GOPC: variants seen among roughly 807,000 people sequenced by gnomAD.
GOPC encodes golgi associated PDZ and coiled-coil motif containing.
GOPC carries 32 observed loss-of-function variants against 51.2 expected under a neutral mutation model. The ratio of observed to expected loss-of-function variants is 0.63; its 90% CI spans 0.47 to 0.84. The LOEUF (loss-of-function observed/expected upper bound fraction) is 0.84. Ranked by LOEUF, GOPC falls within the 40% of genes least tolerant of loss-of-function variation. The pLI, the probability that GOPC is intolerant of heterozygous loss-of-function variation, is 0.00. For missense variants in GOPC, 441 were observed against 555.5 expected, an observed-to-expected ratio of 0.79 and a Z score of 2.07; for synonymous variants, 190 against 205.1, an observed-to-expected ratio of 0.93 and a Z score of 0.63.
intron 6 of GOPC, 157 bp from the exon 7 acceptor site, chr6:117,569,893 G>A: frequency 3.7e-6 from 3 of 811,340 alleles, no homozygotes; most frequent in Non-Finnish European, 5.2e-6. Flanking sequence ...CTTAAGTAAT[G>A]GTAAAAATTA....
In GOPC at chr6:117,577,430, CAGAAACAATA is replaced by C. The variant is rs1266171039; in HGVS notation, c.474+8_474+17del. Reference sequence around the variant, plus strand: ...TTCAGCGTGACATATTAAAGCAAAACAGAAACAATATACTTACCAGCTCCTCCACAGAGGG... The same window carrying C: ...TTCAGCGTGACATATTAAAGCAAAACTACTTACCAGCTCCTCCACAGAGGG... On this transcript the variant is annotated splice_region_variant and intron_variant, in intron 3 of 8. Coordinates refer to ENST00000368498, the MANE Select transcript of GOPC (RefSeq NM_020399.4). The C allele has an allele frequency of 1.2e-6, 2 of 1,602,594 alleles. No homozygotes were observed. Among genetic ancestry groups the C allele is most frequent in the East Asian group, 2.2e-5 (1 of 44,652 alleles).
intron 8 of GOPC, 68 bp from the exon 9 acceptor site, chr6:117,563,452 T>G: frequency 1.3e-6 from 2 of 1,487,122 alleles, no homozygotes; most frequent in Non-Finnish European, 1.9e-6. Flanking sequence ...TCAGGTGCAG[T>G]GGCTCATACC....
intron 1 of GOPC, among the ~76,000 whole-genome samples, chr6:117,600,377 C>G (rs113849367): frequency 2.0e-5 from 3 of 152,324 alleles, no homozygotes; most frequent in African/African-American, 7.2e-5. Flanking sequence ...GATCCAGTCT[C>G]CTCTTAAAGG....
chr6:117,592,237 G>A (rs12215701), intron 1 of GOPC, among the ~76,000 whole-genome samples: 16,036 of 152,080 alleles, frequency 0.11, 920 homozygotes, highest in Middle Eastern at 0.14. Flanking sequence ...CATGGTGGCT[G>A]GCGCCTGCAA....
At chr6:117,571,124 T>C (rs1779799825) in intron 5 of GOPC, among the ~76,000 whole-genome samples, 169 bp from the exon 6 acceptor site, 1 of 152,166 alleles carries the variant, frequency 6.6e-6, no homozygotes, top group South Asian at 2.1e-4. Context: ...TGAAAATAGC[T>C]ATTCTGTTGA....
chr6:117,573,750 TACTCACGAACTTC>T, intron 4 of GOPC, 118 bp from the exon 5 acceptor site: 9 of 772,852 alleles, frequency 1.2e-5, no homozygotes, highest in Non-Finnish European at 1.6e-5. Context: ...ATAAAACTAA[TACTCACGAACTTC>T]TTGATGTCTC....
chr6:117,587,855 T>C (rs965461402), intron 1 of GOPC, among the ~76,000 whole-genome samples: 3 of 151,910 alleles, frequency 2.0e-5, no homozygotes, highest in Non-Finnish European at 2.9e-5. Flanking sequence ...TTGTAGTTTT[T>C]GTCACTGTTG....
intron 1 of GOPC, among the ~76,000 whole-genome samples, chr6:117,585,036 A>G (rs1392192413): frequency 6.6e-6 from 1 of 152,172 alleles, no homozygotes; most frequent in African/African-American, 2.4e-5. Flanking sequence ...ATTTTTATAA[A>G]TTATCCCCAT....
intron 7 of GOPC, among the ~76,000 whole-genome samples, chr6:117,568,727 G>A (rs1351307937): frequency 6.6e-6 from 1 of 152,140 alleles, no homozygotes; most frequent in Non-Finnish European, 1.5e-5. Flanking sequence ...ATGAGAAAAA[G>A]CTTTCTAAAA....
chr6:117,582,273 T>TACACACACACACAC (rs71012364), intron 1 of GOPC, among the ~76,000 whole-genome samples: 29 of 119,214 alleles, frequency 2.4e-4, no homozygotes, highest in Middle Eastern at 4.0e-3. Context: ...CCTCCCCCCC[T>TACACACACACACAC]ACACACACAC....
chr6:117,575,963 T>C (rs149202989), intron 3 of GOPC, among the ~76,000 whole-genome samples: 1 of 152,288 alleles, frequency 6.6e-6, no homozygotes, highest in East Asian at 1.9e-4. Flanking sequence ...GGGCACTGAT[T>C]ATTTTACATA....
chr6:117,602,263 G>A lies in GOPC; in HGVS notation c.26C>T (p.Ala9Val), dbSNP rs774349996. 1 of 1,595,418 alleles carries A rather than the reference G, an allele frequency of 6.3e-7. No homozygotes were observed. The highest frequency in any genetic ancestry group is 8.5e-7 in the Non-Finnish European group (1 of 1,177,978). MSAGGPCP[A>V]AAGGGPGGAS... is the part of the protein sequence containing the mutation. ...GCCCCCTGGGCCCCCTCCGGCTGCTGCTGGGCATGGACCGCCCGCCGACAT... is the reference window on the plus strand; with the variant it reads ...GCCCCCTGGGCCCCCTCCGGCTGCTACTGGGCATGGACCGCCCGCCGACAT... Residue 9 changes from alanine (A) to valine (V), a missense_variant, in exon 1 of 9, where the codon GCA becomes GTA. By Grantham distance (64) the Ala-to-Val change is moderately conservative. Around this residue, in one of 3 missense-constraint regions of GOPC, gnomAD observed 204 missense variants for 219.8 expected, o/e 0.93. Coordinates refer to ENST00000368498, the MANE Select transcript of GOPC (RefSeq NM_020399.4).
At chr6:117,577,312 G>T in intron 3 of GOPC, 136 bp downstream of exon 3, 1 of 740,594 alleles carries the variant, frequency 1.4e-6, no homozygotes. Flanking sequence ...GAACTTTTCA[G>T]GTACTGGAAC....
chr6:117,582,444 T>G (rs1237623912), intron 1 of GOPC, among the ~76,000 whole-genome samples: 2 of 151,882 alleles, frequency 1.3e-5, no homozygotes, highest in Non-Finnish European at 1.5e-5. Context: ...TCCCGACTGG[T>G]TCTTTCTGAA....
chr6:117,590,161 G>A (rs927044909), intron 1 of GOPC, among the ~76,000 whole-genome samples: 3 of 152,070 alleles, frequency 2.0e-5, no homozygotes, highest in East Asian at 1.9e-4. Context: ...CACCAGATGC[G>A]TTTCAAAAAA....
At chr6:117,601,648 G>A (rs1015716509) in intron 1 of GOPC, among the ~76,000 whole-genome samples, 5 of 152,208 alleles carry the variant, frequency 3.3e-5, no homozygotes, top group Admixed American at 1.3e-4. Flanking sequence ...TTATCAATGT[G>A]AAAGCAGATC....
At position 117,578,842 on chromosome 6, in the gene GOPC, T is replaced by A. The variant is rs773607090; in HGVS notation, c.450+58A>T. ...TATAATTTAAAAGTCTCATTCAAAA[T>A]TGTCCTGTACACCCTGTAAAATACA... On this transcript the variant is annotated intron_variant, in intron 2 of 8. Coordinates refer to ENST00000368498, the MANE Select transcript of GOPC (RefSeq NM_020399.4). 1.1e-5 allele frequency: 13 copies of A among 1,156,548 alleles called. No homozygotes were observed. In the Admixed American group the frequency reaches 3.8e-4, roughly 34 times the overall value. The allele number at this position is 1,156,548 out of a possible 1,614,324, so 71.6% of individuals were successfully genotyped here.
Position 117,573,467 on chromosome 6 carries a change from A to G in GOPC, c.816T>C (p.His272=). The G allele has an allele frequency of 1.2e-6, 2 of 1,611,754 alleles. No homozygotes were observed. ...GGAAGCAGCAGCAAAGCAAACATAC[A>G]TGGCCTGGTGGTGCTTGCATTGGTC... The part of the protein sequence containing the change: ...LKRPMQAPPG[H]DQDSLKKSQG... The change falls in exon 5 of 9, where the codon CAT becomes CAC. Residue 272 remains histidine, a splice_region_variant and synonymous_variant. Transcript: ENST00000368498.
At chr6:117,577,269 A>G (rs1255248566) in intron 3 of GOPC, among the ~76,000 whole-genome samples, 179 bp downstream of exon 3, 1 of 152,116 alleles carries the variant, frequency 6.6e-6, no homozygotes, top group African/African-American at 2.4e-5. Context: ...GTTTAACAAC[A>G]TGCAGTGAGA....
Sources: allele counts gnomAD v4.1 joint callset (sites outside exome capture counted in the v4.1 genomes callset), GRCh38; gene constraint gnomAD v4.1.1; regional missense constraint gnomAD v4.1.1; transcripts MANE v1.5; gene names NCBI Gene and HGNC (gene_info 2026-07-23, HGNC 2026-07-21).